Variants in LYST observed in about 807,000 individuals in gnomAD.
LYST encodes the protein lysosomal trafficking regulator.
A neutral mutation model predicts 413.6 loss-of-function variants in LYST; 192 were observed. The ratio of observed to expected loss-of-function variants is 0.46; its 90% CI spans 0.41 to 0.52. LYST has a LOEUF of 0.52. Among genes scored for constraint, LYST ranks in the 20% least tolerant of loss-of-function variants. The pLI, the probability that LYST is intolerant of heterozygous loss-of-function variation, is 0.00. For synonymous variants in LYST, 1,525 were observed against 1,567.3 expected (o/e 0.97, Z 0.64); for missense variants, 3,815 against 4,499.9 (o/e 0.85, Z 4.35).
upstream of LYST, among the ~76,000 whole-genome samples, chr1:235,867,153 G>C (rs557432402): frequency 5.5e-4 from 84 of 152,348 alleles, 1 homozygote; most frequent in East Asian, 0.015. Context: ...CGGGGCTGCA[G>C]CCGGGGCCCG....
At chr1:235,693,203 G>C (rs1344072427) in intron 47 of LYST, 147 bp downstream of exon 47, 3 of 618,434 alleles carry the variant, frequency 4.9e-6, no homozygotes, top group Non-Finnish European at 8.4e-6. Context: ...TGTAGTCCCA[G>C]CTACTTGGGA....
At chr1:235,811,648 G>A (rs1015031142) in intron 4 of LYST, among the ~76,000 whole-genome samples, 2 of 152,048 alleles carry the variant, frequency 1.3e-5, no homozygotes, top group African/African-American at 4.8e-5. Flanking sequence ...TGTAGTAAGA[G>A]CTATATAAAA....
chr1:235,672,396 A>T (rs555857160), intron 50 of LYST, among the ~76,000 whole-genome samples: 86 of 152,240 alleles, frequency 5.6e-4, no homozygotes, highest in Non-Finnish European at 1.1e-3. Context: ...CCAGCAAAAG[A>T]CTGAGAAGGA....
At position 235,808,470 on chromosome 1, in the gene LYST, A is replaced by G. The variant is rs1461055311; in HGVS notation, c.2348T>C (p.Ile783Thr). 3 of 1,613,094 alleles carry G rather than the reference A, an allele frequency of 1.9e-6. No homozygotes were observed. In the East Asian group the frequency reaches 6.7e-5, roughly 36 times the overall value. Residue 783 changes from isoleucine to threonine, a missense_variant, in exon 5 of 53, where the codon ATC (isoleucine) becomes ACC (threonine). Physicochemically the swap from Ile to Thr is moderately conservative, Grantham distance 89 (BLOSUM62 -1). This residue lies in a region of LYST where 1,648 missense variants were observed against 1,810.3 expected (regional missense o/e 0.91). Coordinates refer to ENST00000389793, the MANE Select transcript of LYST (RefSeq NM_000081.4). ...ACATACAAACCTGGATTTAAGCAGG[A>G]TAGGCAGAGTTTTTACATAAATCTG... ...VLQIYVKTLP[I>T]LLKSRVIRDL...
chr1:235,716,626 A>G (rs1479250168), intron 41 of LYST, 86 bp downstream of exon 41: 2 of 832,244 alleles, frequency 2.4e-6, no homozygotes, highest in Non-Finnish European at 4.1e-6. Context: ...AATCCATAGT[A>G]TAAATTTAAA....
chr1:235,811,892 CAG>C (rs931819197), intron 4 of LYST, among the ~76,000 whole-genome samples: 10 of 151,898 alleles, frequency 6.6e-5, no homozygotes, highest in African/African-American at 1.9e-4. Flanking sequence ...AAAATAAAAG[CAG>C]AGAGTTAGTG....
chr1:235,834,518 G>T (rs1028945193), intron 1 of LYST, among the ~76,000 whole-genome samples: 1 of 152,130 alleles, frequency 6.6e-6, no homozygotes, highest in East Asian at 1.9e-4. Flanking sequence ...GATTACAGGC[G>T]TGAGCCACTG....
At position 235,808,897 on chromosome 1, in the gene LYST, T is replaced by C. The variant is rs778059066; in HGVS notation, c.1921A>G (p.Thr641Ala). The C allele has an allele frequency of 1.2e-6, 2 of 1,613,002 alleles. No homozygotes were observed. The highest frequency in any genetic ancestry group is 1.7e-6 in the Non-Finnish European group (2 of 1,179,370). Reference sequence around the variant, plus strand: ...TGGGCTAGTTGGTCAGAGTCAACAGTACAAATATTACAAGCTGCTTTTTTA... The same window carrying C: ...TGGGCTAGTTGGTCAGAGTCAACAGCACAAATATTACAAGCTGCTTTTTTA... ...KIKKAACNIC[T>A]VDSDQLAQLE... Residue 641 changes from threonine to alanine, a missense_variant, in exon 5 of 53, where the codon ACT becomes GCT. By Grantham distance (58) the Thr-to-Ala change is moderately conservative. This residue lies in a region of LYST where 1,648 missense variants were observed against 1,810.3 expected (regional missense o/e 0.91). Coordinates refer to ENST00000389793, the MANE Select transcript of LYST (RefSeq NM_000081.4).
chr1:235,828,613 G>T, intron 3 of LYST: 1 of 255,342 alleles, frequency 3.9e-6, no homozygotes, highest in Non-Finnish European at 6.2e-6. Flanking sequence ...ATGTTTTATA[G>T]AATTCCATGC....
chr1:235,715,303 C>A lies in LYST; in HGVS notation c.9682G>T (p.Val3228Leu). The part of the protein sequence containing the change: ...GAREDDPMPP[V>L]QPYHYGSHYS... ...TGGGAGCCATAGTGATAGGGCTGCA[C>A]GGGAGGCATGGGGTCATCTTCTCTG... Residue 3228 changes from valine to leucine, a missense_variant, in exon 42 of 53, where the codon GTG becomes TTG. This residue lies in a region of LYST where 866 missense variants were observed against 1,156.0 expected (regional missense o/e 0.75). Transcript: ENST00000389793. 6.2e-7 allele frequency: 1 copy of A among 1,613,916 alleles called. No individual in the cohort carries two copies. The highest frequency in any genetic ancestry group is 8.5e-7 in the Non-Finnish European group (1 of 1,179,902).
chr1:235,824,785 G>T (rs1416249006), intron 3 of LYST, among the ~76,000 whole-genome samples: 1 of 152,130 alleles, frequency 6.6e-6, no homozygotes, highest in Non-Finnish European at 1.5e-5. Flanking sequence ...ACTTTGGGTG[G>T]CTGAGGCGGG....
chr1:235,752,562 C>T (rs1037849261), intron 26 of LYST, among the ~76,000 whole-genome samples: 1 of 152,100 alleles, frequency 6.6e-6, no homozygotes, highest in Non-Finnish European at 1.5e-5. Flanking sequence ...TCTGCGAAGA[C>T]TTTTCAGAGA....
chr1:235,787,445 T>A, intron 13 of LYST, 72 bp from the exon 14 acceptor site: 1 of 1,156,504 alleles, frequency 8.6e-7, no homozygotes, highest in Non-Finnish European at 1.3e-6. Flanking sequence ...ATACATATAG[T>A]AACTATAATT....
intron 39 of LYST, among the ~76,000 whole-genome samples, chr1:235,722,730 C>T (rs1316267058): frequency 1.3e-5 from 2 of 152,040 alleles, no homozygotes; most frequent in South Asian, 2.1e-4. Flanking sequence ...ATGATCTGCC[C>T]GCCTCGGCCT....
chr1:235,791,962 C>T lies in LYST; in HGVS notation c.4280G>A (p.Arg1427Lys), dbSNP rs1408943262. 3.7e-6 allele frequency: 6 copies of T among 1,614,004 alleles called. No homozygotes were observed. The highest frequency in any genetic ancestry group is 5.1e-6 in the Non-Finnish European group (6 of 1,180,012). Residue 1427 changes from arginine (R) to lysine (K), a missense_variant, in exon 12 of 53, where the codon AGA becomes AAA. Physicochemically the swap from Arg to Lys is conservative, Grantham distance 26 (BLOSUM62 2). This residue lies in a region of LYST where 1,648 missense variants were observed against 1,810.3 expected (regional missense o/e 0.91). Transcript: ENST00000389793. ...CTTGCTCCGTGAAACTCGTGCTCTT[C>T]TCAATAAACCCATGGCCTTACTGTT... ...ILNSKAMGLL[R>K]RARVSRSKKE...
chr1:235,835,663 A>G (rs1486373756), intron 1 of LYST, among the ~76,000 whole-genome samples: 1 of 152,146 alleles, frequency 6.6e-6, no homozygotes, highest in African/African-American at 2.4e-5. Flanking sequence ...CTTTATACAC[A>G]CCTGTATTCT....
At chr1:235,800,433 G>T in intron 9 of LYST, 47 bp from the exon 10 acceptor site, 1 of 1,039,056 alleles carries the variant, frequency 9.6e-7, no homozygotes, top group Non-Finnish European at 1.5e-6. Flanking sequence ...CCTCACAGAA[G>T]CATGAAACAA....
intron 13 of LYST, 116 bp downstream of exon 13, chr1:235,788,585 A>G (rs1159480684): frequency 1.1e-6 from 1 of 914,964 alleles, no homozygotes; most frequent in Non-Finnish European, 1.8e-6. Context: ...ATATTTTTAA[A>G]TGAGACTTTT....
At chr1:235,757,585 G>C in intron 23 of LYST, 127 bp from the exon 24 acceptor site, 1 of 737,096 alleles carries the variant, frequency 1.4e-6, no homozygotes, top group Non-Finnish European at 2.4e-6. Flanking sequence ...CTTAAGAAAT[G>C]TTTCCTAATT....
Sources: gnomAD v4.1 joint callset for allele counts (sites outside exome capture counted in the v4.1 genomes callset) on GRCh38, gnomAD v4.1.1 for gene constraint, gnomAD v4.1.1 regional missense constraint, MANE v1.5 for transcripts, NCBI Gene and HGNC (gene_info 2026-07-23, HGNC 2026-07-21) for gene names.